Variants in RNF17 observed in about 807,000 individuals in gnomAD.
The protein encoded by RNF17 is spermatogenesis associated 23.
In RNF17, 31 loss-of-function variants were observed where a neutral mutation model predicts 200.5. That is an observed-to-expected ratio of 0.15 (90% CI 0.12 to 0.21). The LOEUF is 0.21. Among genes scored for constraint, RNF17 ranks in the 10% least tolerant of loss-of-function variants. The probability of loss-of-function intolerance (pLI) is 1.00; values close to 1 mark genes in which losing one functional copy is unlikely to be tolerated. For missense variants in RNF17, 1,628 were observed against 1,905.1 expected, an observed-to-expected ratio of 0.85 and a Z score of 2.71; for synonymous variants, 606 against 637.8, an observed-to-expected ratio of 0.95 and a Z score of 0.75.
the RNF17 span, among the ~76,000 whole-genome samples, chr13:24,757,964 G>A: frequency 3.3e-5 from 5 of 152,066 alleles, no homozygotes; most frequent in African/African-American, 9.7e-5. Context: ...GTTTAGCACC[G>A]CCTCTTTGGT....
chr13:24,790,331 T>C (rs923871989), intron 9 of RNF17, among the ~76,000 whole-genome samples: 7 of 151,672 alleles, frequency 4.6e-5, no homozygotes, highest in African/African-American at 1.5e-4. Flanking sequence ...TTCCATTCTC[T>C]ATGTCCCCAA....
chr13:24,800,483 C>T lies in RNF17; in HGVS notation c.1707C>T (p.Ile569=), dbSNP rs1186273216. The T allele has an allele frequency of 1.2e-6, 2 of 1,613,426 alleles. No homozygotes were observed. Among genetic ancestry groups the T allele is most frequent in the South Asian group, 2.2e-5 (2 of 91,012 alleles). Residue 569 remains isoleucine, a synonymous_variant, in exon 13 of 36, where the codon ATC becomes ATT. Transcript: ENST00000255324. ...ATACTGAAGGGCTGCTAAAAGACATCCAGCCATTAGCACAACCATGCTCAT... is the reference window on the plus strand; with the variant it reads ...ATACTGAAGGGCTGCTAAAAGACATTCAGCCATTAGCACAACCATGCTCAT... The part of the protein sequence containing the change: ...EPYTEGLLKD[I]QPLAQPCSLK...
chr13:24,885,383 C>G, the RNF17 span: 9 of 1,604,812 alleles, frequency 5.6e-6, no homozygotes, highest in South Asian at 9.9e-5. Context: ...CTGGGAGAGG[C>G]AGCCTGTAAG....
upstream of RNF17, among the ~76,000 whole-genome samples, chr13:24,763,369 A>ATTTTTTTTTT (rs34750040): frequency 3.3e-3 from 372 of 114,444 alleles, no homozygotes; most frequent in Non-Finnish European, 4.4e-3. Context: ...CGTCCGGCTA[A>ATTTTTTTTTT]TTTTTTTTTT....
chr13:24,886,045 T>G, the RNF17 span: 9 of 367,234 alleles, frequency 2.5e-5, no homozygotes, highest in Non-Finnish European at 3.7e-5. Context: ...ATAAATGCCC[T>G]TGTGGCTATG....
chr13:24,873,602 GT>G (rs1894530657), intron 32 of RNF17, among the ~76,000 whole-genome samples: 1 of 151,906 alleles, frequency 6.6e-6, no homozygotes, highest in Non-Finnish European at 1.5e-5. Flanking sequence ...ACAATCCATT[GT>G]TGTTAACTAG....
At chr13:24,848,490 C>T (rs796583480) in intron 22 of RNF17, among the ~76,000 whole-genome samples, 21 of 152,146 alleles carry the variant, frequency 1.4e-4, no homozygotes, top group African/African-American at 2.6e-4. Flanking sequence ...GGTGAAACTT[C>T]GTCTCTACTA....
At chr13:24,815,490 T>C (rs1487353931) in intron 15 of RNF17, among the ~76,000 whole-genome samples, 1 of 151,084 alleles carries the variant, frequency 6.6e-6, no homozygotes, top group East Asian at 1.9e-4. Context: ...TTGGGGGGAT[T>C]TTCTTACATA....
chr13:24,843,647 G>A, intron 19 of RNF17, 97 bp from the exon 20 acceptor site: 1 of 702,834 alleles, frequency 1.4e-6, no homozygotes, highest in Admixed American at 2.9e-5. Flanking sequence ...TGACAAAATA[G>A]TCATATAAGT....
At chr13:24,827,990 A>G (rs1056192591) in intron 16 of RNF17, among the ~76,000 whole-genome samples, 4 of 152,142 alleles carry the variant, frequency 2.6e-5, no homozygotes, top group Admixed American at 2.6e-4. Context: ...GTACTGCTGC[A>G]TTAGGGATTA....
At chr13:24,844,254 A>G (rs2138148292) in intron 20 of RNF17, among the ~76,000 whole-genome samples, 1 of 152,346 alleles carries the variant, frequency 6.6e-6, no homozygotes, top group Admixed American at 6.5e-5. Flanking sequence ...AATCTTTGTT[A>G]CCATGTAGCT....
the RNF17 span, among the ~76,000 whole-genome samples, chr13:24,748,074 G>C: frequency 1.3e-5 from 2 of 152,230 alleles, no homozygotes; most frequent in Non-Finnish European, 2.9e-5. Flanking sequence ...GCACTGATCC[G>C]AGCTTTAACA....
At chr13:24,881,500 C>T (rs1051030856), downstream of RNF17, among the ~76,000 whole-genome samples, 1 of 151,840 alleles carries the variant, frequency 6.6e-6, no homozygotes. Context: ...CTTACCTCTC[C>T]TGAGATATCT....
chr13:24,864,715 G>T (rs1893446399), intron 28 of RNF17, among the ~76,000 whole-genome samples, 158 bp from the exon 29 acceptor site: 1 of 152,124 alleles, frequency 6.6e-6, no homozygotes, highest in Non-Finnish European at 1.5e-5. Context: ...CTTATAGCGC[G>T]TCAAAATACC....
chr13:24,870,137 G>A (rs9507428), intron 31 of RNF17, among the ~76,000 whole-genome samples: 35,301 of 151,482 alleles, frequency 0.23, 4,523 homozygotes, highest in Non-Finnish European at 0.29. Context: ...TACTAGAGAC[G>A]AGGTTTCACC....
At chr13:24,840,566 AC>A (rs199990296) in intron 18 of RNF17, among the ~76,000 whole-genome samples, 2,416 of 152,304 alleles carry the variant, frequency 0.016, 33 homozygotes, top group South Asian at 0.032. Context: ...GGACTACTAC[AC>A]AGCCATAAAA....
At chr13:24,855,712 C>A (rs1013434681) in intron 25 of RNF17, among the ~76,000 whole-genome samples, 1 of 152,142 alleles carries the variant, frequency 6.6e-6, no homozygotes, top group African/African-American at 2.4e-5. Context: ...ACACTCATCA[C>A]TACCAGTGCA....
rs570994144 is a variant in RNF17, at chr13:24,835,979, C to T, written c.2482+4001C>T. ...TTAAAACAATCAAAAATTGAGGAAA[C>T]TTTGGACACACTTTTAGAAATGCGA... On this transcript the variant is annotated intron_variant, in intron 18 of 35. Coordinates refer to ENST00000255324, the MANE Select transcript of RNF17 (RefSeq NM_031277.3). Among the ~76,000 whole-genome samples, 9 of 152,238 alleles carry T rather than the reference C, an allele frequency of 5.9e-5. No homozygotes were observed. In the East Asian group the frequency reaches 7.7e-4, roughly 13 times the overall value.
At position 24,834,783 on chromosome 13, in the gene RNF17, A is replaced by G. The variant is rs915198701; in HGVS notation, c.2482+2805A>G. On this transcript the variant is annotated intron_variant, in intron 18 of 35. Transcript: ENST00000255324. ...ACTCCACAGGGAGAAGGAAATCTCT[A>G]GCTGAACTTGGTAACAATTTGAACA... is the stretch of plus-strand genomic sequence containing the variant. Among the ~76,000 whole-genome samples, 29 of 152,308 alleles carry G rather than the reference A, an allele frequency of 1.9e-4. 1 individual carries two copies. The highest frequency in any genetic ancestry group is 3.4e-3 in the Middle Eastern group (1 of 294).
Sources: gnomAD v4.1 joint callset for allele counts (sites outside exome capture counted in the v4.1 genomes callset) on GRCh38, gnomAD v4.1.1 for gene constraint, MANE v1.5 for transcripts, NCBI Gene and HGNC (gene_info 2026-07-23, HGNC 2026-07-21) for gene names.